Variants in PEX14 observed in about 807,000 individuals in gnomAD.
PEX14 encodes the protein peroxisomal biogenesis factor 14.
In PEX14, 15 loss-of-function variants were observed where a neutral mutation model predicts 49.5. That is an observed-to-expected ratio of 0.30 (90% CI 0.20 to 0.47). The LOEUF (loss-of-function observed/expected upper bound fraction) is 0.47. PEX14 is among the 20% of genes least tolerant of loss of function. The probability of loss-of-function intolerance (pLI) is 1.00; values close to 1 mark genes in which losing one functional copy is unlikely to be tolerated. For missense variants in PEX14, 398 were observed against 494.8 expected, an observed-to-expected ratio of 0.80 and a Z score of 1.86; for synonymous variants, 210 against 212.7, an observed-to-expected ratio of 0.99 and a Z score of 0.11.
intron 3 of PEX14, among the ~76,000 whole-genome samples, chr1:10,537,307 C>T (rs1464343576): frequency 7.0e-6 from 1 of 142,294 alleles, no homozygotes; most frequent in Non-Finnish European, 1.5e-5. Context: ...GTAAGGAGCA[C>T]TGCACGGCTG....
At chr1:10,560,718 CTTT>C (rs34964492) in intron 3 of PEX14, among the ~76,000 whole-genome samples, 7 of 129,080 alleles carry the variant, frequency 5.4e-5, no homozygotes, top group Admixed American at 1.6e-4. Flanking sequence ...ATTTTGCCAC[CTTT>C]TTTTTTTTTT....
chr1:10,535,231 C>G (rs1412982243), intron 2 of PEX14, among the ~76,000 whole-genome samples: 1 of 152,206 alleles, frequency 6.6e-6, no homozygotes, highest in African/African-American at 2.4e-5. Flanking sequence ...GGGCTGGTGT[C>G]TGGGGTGGAA....
rs767150548 is a variant in PEX14 at position 10,617,855 on chromosome 1, G to T, written c.299-477G>T. The stretch of plus-strand genomic sequence containing the variant: ...GCCCACCCCCGTGCCCCCACCCAGC[G>T]TACCACGGTCCCCCTCTCCACTTCG... On this transcript the variant is annotated intron_variant, in intron 4 of 8. Coordinates refer to ENST00000356607, the MANE Select transcript of PEX14 (RefSeq NM_004565.3). Among the ~76,000 whole-genome samples, 3 of 151,920 alleles carry T rather than the reference G, an allele frequency of 2.0e-5. No homozygotes were observed. In the South Asian group the frequency reaches 6.2e-4, roughly 32 times the overall value.
intron 1 of PEX14, among the ~76,000 whole-genome samples, chr1:10,479,421 A>T (rs1189983898): frequency 6.6e-6 from 1 of 151,666 alleles, no homozygotes. Context: ...TGAGATTATA[A>T]GCATGAGCCA....
intron 2 of PEX14, among the ~76,000 whole-genome samples, chr1:10,509,845 G>A (rs1170796142): frequency 1.3e-5 from 2 of 152,054 alleles, no homozygotes; most frequent in African/African-American, 4.8e-5. Context: ...ATTCTTTTAC[G>A]CTTTATTTTC....
intron 4 of PEX14, among the ~76,000 whole-genome samples, chr1:10,602,168 G>A (rs537546752): frequency 1.3e-5 from 2 of 152,210 alleles, no homozygotes; most frequent in Non-Finnish European, 2.9e-5. Flanking sequence ...AGCAATACAC[G>A]TTGAGGTATT....
chr1:10,620,779 A>G (rs1641566332), intron 5 of PEX14, among the ~76,000 whole-genome samples: 1 of 152,272 alleles, frequency 6.6e-6, no homozygotes, highest in African/African-American at 2.4e-5. Flanking sequence ...AGCGTGGGTG[A>G]AAGAGCGAGA....
At chr1:10,599,206 A>G in intron 3 of PEX14, 32 bp from the exon 4 acceptor site, 1 of 1,611,618 alleles carries the variant, frequency 6.2e-7, no homozygotes, top group Non-Finnish European at 8.5e-7. Context: ...GACAAAAGGT[A>G]CTCACCTGCA....
At chr1:10,488,920 G>GT (rs1449370741) in intron 1 of PEX14, among the ~76,000 whole-genome samples, 1 of 152,084 alleles carries the variant, frequency 6.6e-6, no homozygotes. Flanking sequence ...ATATCGTCTG[G>GT]TTTTTCTTAT....
At chr1:10,522,883 T>C (rs1638344767) in intron 2 of PEX14, among the ~76,000 whole-genome samples, 1 of 152,232 alleles carries the variant, frequency 6.6e-6, no homozygotes, top group Non-Finnish European at 1.5e-5. Context: ...TTTCTTGCTT[T>C]ATTAAGCTGA....
At chr1:10,586,442 G>A (rs1640488470) in intron 3 of PEX14, among the ~76,000 whole-genome samples, 1 of 151,830 alleles carries the variant, frequency 6.6e-6, no homozygotes, top group Non-Finnish European at 1.5e-5. Context: ...CTCTATAATC[G>A]AGCATTTCCC....
chr1:10,538,118 T>G (rs1638892951), intron 3 of PEX14, among the ~76,000 whole-genome samples: 1 of 152,092 alleles, frequency 6.6e-6, no homozygotes, highest in South Asian at 2.1e-4. Flanking sequence ...AGGCAGACGA[T>G]TAACAAATGG....
intron 3 of PEX14, among the ~76,000 whole-genome samples, chr1:10,556,327 A>C (rs570735170): frequency 6.6e-6 from 1 of 152,134 alleles, no homozygotes; most frequent in Non-Finnish European, 1.5e-5. Context: ...AGAATTCCAC[A>C]GGGTGGGGCT....
chr1:10,621,342 CTTTT>C (rs930417764), intron 5 of PEX14, among the ~76,000 whole-genome samples: 5 of 108,000 alleles, frequency 4.6e-5, no homozygotes, highest in Admixed American at 1.9e-4. Context: ...TATATGAATT[CTTTT>C]TTTTTTTTTT....
intron 2 of PEX14, among the ~76,000 whole-genome samples, chr1:10,532,162 C>G (rs1638668591): frequency 6.6e-6 from 1 of 152,196 alleles, no homozygotes; most frequent in Admixed American, 6.5e-5. Context: ...GTTTTTCAAC[C>G]TGAAGTCCCC....
intron 2 of PEX14, among the ~76,000 whole-genome samples, chr1:10,504,398 C>T (rs966588607): frequency 2.0e-5 from 3 of 152,208 alleles, no homozygotes; most frequent in African/African-American, 7.2e-5. Flanking sequence ...GGAACTAACT[C>T]ATAGCCCCCA....
intron 3 of PEX14, among the ~76,000 whole-genome samples, chr1:10,569,928 G>A (rs1347718876): frequency 1.3e-5 from 2 of 152,028 alleles, no homozygotes; most frequent in Non-Finnish European, 2.9e-5. Context: ...ACATGAGAGG[G>A]TCTTTTAATG....
At chr1:10,509,709 A>AT (rs1331984256) in intron 2 of PEX14, among the ~76,000 whole-genome samples, 2 of 152,096 alleles carry the variant, frequency 1.3e-5, no homozygotes, top group Non-Finnish European at 2.9e-5. Flanking sequence ...TGTACAATTG[A>AT]TTTTTTAAAT....
chr1:10,606,327 G>A (rs924810550), intron 4 of PEX14, among the ~76,000 whole-genome samples: 4 of 152,218 alleles, frequency 2.6e-5, no homozygotes, highest in Admixed American at 1.3e-4. Context: ...GGGAGAAAGC[G>A]GGAAAAGGGC....
Sources: allele counts gnomAD v4.1 joint callset (sites outside exome capture counted in the v4.1 genomes callset), GRCh38; gene constraint gnomAD v4.1.1; transcripts MANE v1.5; gene names NCBI Gene and HGNC (gene_info 2026-07-23, HGNC 2026-07-21).